Variants in AGBL4 observed in about 807,000 individuals in gnomAD.
The protein encoded by AGBL4 is cytosolic carboxypeptidase 6.
A neutral mutation model predicts 66.4 loss-of-function variants in AGBL4; 58 were observed. That is an observed-to-expected ratio of 0.87 (90% CI 0.71 to 1.09). The LOEUF (loss-of-function observed/expected upper bound fraction) is 1.09, where lower values mean the gene tolerates loss of function less well. Among genes scored for constraint, AGBL4 ranks in the 50% least tolerant of loss-of-function variants. The pLI is 0.00. For missense variants in AGBL4, 579 were observed against 631.0 expected (o/e 0.92, Z 0.88); for synonymous variants, 234 against 222.9 (o/e 1.05, Z -0.44).
chr1:49,131,971 G>C (rs779436274), intron 4 of AGBL4, among the ~76,000 whole-genome samples: 16 of 152,128 alleles, frequency 1.1e-4, no homozygotes, highest in Non-Finnish European at 1.8e-4. Context: ...CAGAGAACCA[G>C]GAAGCAACAT....
intron 2 of AGBL4, among the ~76,000 whole-genome samples, chr1:49,803,516 A>G (rs971639641): frequency 3.9e-5 from 6 of 152,322 alleles, no homozygotes; most frequent in African/African-American, 1.4e-4. Flanking sequence ...TGCATTGTTT[A>G]TTGAAATTAA....
At chr1:48,790,465 G>C (rs1359791992) in intron 6 of AGBL4, among the ~76,000 whole-genome samples, 1 of 152,064 alleles carries the variant, frequency 6.6e-6, no homozygotes, top group Non-Finnish European at 1.5e-5. Flanking sequence ...TTAAAATAGA[G>C]TTATGAAACA....
At chr1:48,894,038 C>T (rs1651264725) in intron 5 of AGBL4, among the ~76,000 whole-genome samples, 1 of 152,122 alleles carries the variant, frequency 6.6e-6, no homozygotes, top group Non-Finnish European at 1.5e-5. Context: ...AAATGTTGGC[C>T]AACATCAGGA....
chr1:48,971,415 G>T (rs1658892677), intron 5 of AGBL4, among the ~76,000 whole-genome samples: 1 of 151,998 alleles, frequency 6.6e-6, no homozygotes, highest in African/African-American at 2.4e-5. Context: ...ACAGTCCCTG[G>T]TGCCAAAAAG....
chr1:48,761,246 A>AT (rs1393840416), intron 6 of AGBL4: 4 of 1,319,438 alleles, frequency 3.0e-6, no homozygotes, highest in Non-Finnish European at 4.1e-6. Context: ...GGACATTTAC[A>AT]TGGGGAGAGG....
intron 1 of AGBL4, among the ~76,000 whole-genome samples, chr1:49,968,234 AT>A (rs1459409542): frequency 6.6e-6 from 1 of 151,616 alleles, no homozygotes; most frequent in Non-Finnish European, 1.5e-5. Flanking sequence ...AAAAAAAAAA[AT>A]CAGCATTTCC....
At chr1:48,544,005 T>C (rs1644119447) in intron 11 of AGBL4, among the ~76,000 whole-genome samples, 1 of 152,162 alleles carries the variant, frequency 6.6e-6, no homozygotes, top group Non-Finnish European at 1.5e-5. Context: ...CATTTCCTGA[T>C]TTGAAGGCAC....
intron 5 of AGBL4, among the ~76,000 whole-genome samples, chr1:48,987,862 A>G (rs1660297975): frequency 6.6e-6 from 1 of 152,148 alleles, no homozygotes; most frequent in Admixed American, 6.6e-5. Context: ...ATAAAACTCT[A>G]TCCATCCTCA....
intron 6 of AGBL4, chr1:48,728,124 A>G (rs1034132738): frequency 2.3e-6 from 3 of 1,282,248 alleles, no homozygotes; most frequent in Non-Finnish European, 3.2e-6. Context: ...AAGAAAATGT[A>G]CCTCCCAACA....
intron 3 of AGBL4, among the ~76,000 whole-genome samples, chr1:49,561,475 A>G (rs898295378): frequency 6.6e-6 from 1 of 151,042 alleles, no homozygotes; most frequent in African/African-American, 2.4e-5. Flanking sequence ...AACCCACAAC[A>G]GTCCCCACTG....
chr1:49,869,980 A>T (rs1013420761), intron 1 of AGBL4, among the ~76,000 whole-genome samples: 35 of 152,186 alleles, frequency 2.3e-4, no homozygotes, highest in African/African-American at 8.0e-4. Context: ...CAACATAATA[A>T]ATGAAATGAT....
At chr1:49,542,588 A>T (rs1652134789) in intron 3 of AGBL4, among the ~76,000 whole-genome samples, 2 of 152,132 alleles carry the variant, frequency 1.3e-5, no homozygotes, top group South Asian at 4.1e-4. Flanking sequence ...ATCTAAAGCT[A>T]ATGTTACTTA....
At chr1:48,562,556 T>TA in intron 11 of AGBL4, among the ~76,000 whole-genome samples, 1 of 152,232 alleles carries the variant, frequency 6.6e-6, no homozygotes, top group Non-Finnish European at 1.5e-5. Context: ...TACTTAGCTT[T>TA]AATTTGTTTT....
At chr1:49,384,702 C>T (rs1310886183) in intron 3 of AGBL4, among the ~76,000 whole-genome samples, 15 of 152,120 alleles carry the variant, frequency 9.9e-5, no homozygotes, top group Non-Finnish European at 1.5e-5. Context: ...CAATACCTAT[C>T]ATTTCATAAT....
At chr1:48,984,833 G>C (rs1660054176) in intron 5 of AGBL4, among the ~76,000 whole-genome samples, 1 of 151,872 alleles carries the variant, frequency 6.6e-6, no homozygotes, top group South Asian at 2.1e-4. Context: ...AAAAGAAGGA[G>C]ATAGTGAACA....
chr1:49,845,647 A>AC, intron 2 of AGBL4: 1 of 1,608,116 alleles, frequency 6.2e-7, no homozygotes. Flanking sequence ...GAGGACCCAC[A>AC]CAGGAGAAAA....
chr1:49,207,038 A>G (rs1648205235), intron 4 of AGBL4, among the ~76,000 whole-genome samples: 1 of 152,098 alleles, frequency 6.6e-6, no homozygotes, highest in Non-Finnish European at 1.5e-5. Flanking sequence ...TGAATGCACT[A>G]TTCTTAGAAG....
chr1:48,885,080 G>A (rs891234476), intron 5 of AGBL4, among the ~76,000 whole-genome samples: 5 of 152,056 alleles, frequency 3.3e-5, no homozygotes, highest in African/African-American at 1.2e-4. Flanking sequence ...AAGGCCCCTG[G>A]AGATCATCTA....
chr1:48,674,719 A>G (rs1646337132), intron 6 of AGBL4, among the ~76,000 whole-genome samples: 1 of 152,192 alleles, frequency 6.6e-6, no homozygotes, highest in East Asian at 1.9e-4. Context: ...GACTAGATGA[A>G]TTAAAATAAA....
Sources: allele counts gnomAD v4.1 joint callset (sites outside exome capture counted in the v4.1 genomes callset), GRCh38; gene constraint gnomAD v4.1.1; transcripts MANE v1.5; gene names NCBI Gene and HGNC (gene_info 2026-07-23, HGNC 2026-07-21).